MAD1L1: variants seen among roughly 807,000 people sequenced by gnomAD.
The protein encoded by MAD1L1 is mitotic spindle assembly checkpoint protein MAD1.
Under a neutral mutation model 96.9 loss-of-function variants are expected in MAD1L1, and 95 were observed. That is an observed-to-expected ratio of 0.98 (90% CI 0.83 to 1.16). The LOEUF (loss-of-function observed/expected upper bound fraction) is 1.16, where lower values mean the gene tolerates loss of function less well. Among genes scored for constraint, MAD1L1 ranks in the 50% most tolerant of loss-of-function variants. MAD1L1 has a pLI of 0.00. For synonymous variants in MAD1L1, 473 were observed against 396.6 expected (o/e 1.19, Z -2.29); for missense variants, 1,007 against 954.4 (o/e 1.06, Z -0.73).
chr7:1,861,317 T>C (rs1009072900), intron 18 of MAD1L1, among the ~76,000 whole-genome samples: 4 of 152,194 alleles, frequency 2.6e-5, no homozygotes, highest in African/African-American at 9.7e-5. Flanking sequence ...TGGCTGAAGC[T>C]ATCCTTTCCC....
At chr7:2,069,722 T>C (rs1267836338) in intron 11 of MAD1L1, among the ~76,000 whole-genome samples, 1 of 152,170 alleles carries the variant, frequency 6.6e-6, no homozygotes, top group Non-Finnish European at 1.5e-5. Context: ...GCCAGGCGCC[T>C]GGTTGGGGGG....
chr7:1,840,784 G>C (rs1783208853), intron 18 of MAD1L1, among the ~76,000 whole-genome samples: 1 of 152,216 alleles, frequency 6.6e-6, no homozygotes, highest in Admixed American at 6.5e-5. Flanking sequence ...TGCAGTTCAA[G>C]GTTTTAGCGG....
At chr7:1,879,889 C>A (rs965876171) in intron 18 of MAD1L1, among the ~76,000 whole-genome samples, 3 of 152,188 alleles carry the variant, frequency 2.0e-5, no homozygotes, top group Non-Finnish European at 4.4e-5. Flanking sequence ...TGCCACCACA[C>A]CTGGCTAATT....
In MAD1L1 at chr7:1,936,569, G is replaced by A. The variant is rs908858511; in HGVS notation, c.1807+118C>T. ...CCACCAGACCCGGCTGCCCACAGGG[G>A]AGGACAAACCCTCTGGGGATGACAG... On this transcript the variant is annotated intron_variant, in intron 17 of 18. Coordinates refer to ENST00000265854, the MANE Select transcript of MAD1L1 (RefSeq NM_001013836.2). 9 of 1,073,246 alleles carry A rather than the reference G, an allele frequency of 8.4e-6. No homozygotes were observed. In the African/African-American group the frequency reaches 1.3e-4, roughly 15 times the overall value. The allele number at this position is 1,073,246 out of a possible 1,614,324, so 66.5% of individuals were successfully genotyped here. A position where few individuals can be genotyped will look rare whatever the true frequency, so the allele number is the denominator to read the frequency against.
At chr7:1,888,218 G>C (rs931863305) in intron 18 of MAD1L1, among the ~76,000 whole-genome samples, 1 of 151,674 alleles carries the variant, frequency 6.6e-6, no homozygotes, top group Non-Finnish European at 1.5e-5. Flanking sequence ...GTGCATGTGT[G>C]TGCATGCATG....
At chr7:2,085,237 G>A (rs572295048) in intron 11 of MAD1L1, among the ~76,000 whole-genome samples, 1 of 152,354 alleles carries the variant, frequency 6.6e-6, no homozygotes, top group South Asian at 2.1e-4. Flanking sequence ...ACACAATGGT[G>A]ACTGTCCTCA....
intron 16 of MAD1L1, among the ~76,000 whole-genome samples, chr7:1,956,896 G>C (rs983283115): frequency 6.6e-6 from 1 of 152,238 alleles, no homozygotes; most frequent in Non-Finnish European, 1.5e-5. Context: ...CAGGGAAGCC[G>C]TAAGTGGTGC....
chr7:2,178,757 T>G (rs951547708), intron 10 of MAD1L1, among the ~76,000 whole-genome samples: 1 of 150,904 alleles, frequency 6.6e-6, no homozygotes, highest in Non-Finnish European at 1.5e-5. Context: ...ATTAGCCGGG[T>G]GTGGTGGCGG....
intron 11 of MAD1L1, among the ~76,000 whole-genome samples, chr7:2,104,483 G>C (rs1403766158): frequency 6.6e-6 from 1 of 152,222 alleles, no homozygotes; most frequent in Non-Finnish European, 1.5e-5. Context: ...GGCGGCTGCG[G>C]CACCTGGACA....
intron 17 of MAD1L1, among the ~76,000 whole-genome samples, chr7:1,916,737 C>T (rs1788424215): frequency 6.6e-6 from 1 of 152,172 alleles, no homozygotes; most frequent in South Asian, 2.1e-4. Flanking sequence ...TGCAGCTCCC[C>T]TCCCTCATGA....
chr7:1,869,960 A>C, intron 18 of MAD1L1, among the ~76,000 whole-genome samples: 1 of 152,104 alleles, frequency 6.6e-6, no homozygotes, highest in East Asian at 1.9e-4. Flanking sequence ...AGCACTTCAT[A>C]AGCCAAGGGG....
At chr7:1,881,619 A>G (rs1051828524) in intron 18 of MAD1L1, among the ~76,000 whole-genome samples, 1 of 152,252 alleles carries the variant, frequency 6.6e-6, no homozygotes, top group Non-Finnish European at 1.5e-5. Flanking sequence ...CACATTATGC[A>G]ACCATTAAAC....
chr7:2,096,581 G>A (rs1251556182), intron 11 of MAD1L1, among the ~76,000 whole-genome samples: 1 of 152,172 alleles, frequency 6.6e-6, no homozygotes. Context: ...AGCTCTCCAA[G>A]GGGCATCTGA....
At chr7:2,232,639 C>T (rs980005336) in intron 1 of MAD1L1, among the ~76,000 whole-genome samples, 1 of 152,158 alleles carries the variant, frequency 6.6e-6, no homozygotes, top group Non-Finnish European at 1.5e-5. Context: ...CTGTCCCCAG[C>T]ACAGCCCAAA....
rs1419126067 is a variant in MAD1L1 at position 1,993,561 on chromosome 7, C to T, written c.1416+8504G>A. Reference sequence around the variant, plus strand: ...AAAACAAGCTTACGCCTTCCCTCTGCACTGAGATTTTCTTCTGTTTTTTGG... The same window carrying T: ...AAAACAAGCTTACGCCTTCCCTCTGTACTGAGATTTTCTTCTGTTTTTTGG... On this transcript the variant is annotated intron_variant, in intron 14 of 18. Coordinates refer to ENST00000265854, the MANE Select transcript of MAD1L1 (RefSeq NM_001013836.2). Among the ~76,000 whole-genome samples, 4 of 152,242 alleles carry T rather than the reference C, an allele frequency of 2.6e-5. No individual in the cohort carries two copies. In the East Asian group the frequency reaches 5.8e-4, roughly 22 times the overall value.
intron 17 of MAD1L1, among the ~76,000 whole-genome samples, chr7:1,905,540 A>G: frequency 6.6e-6 from 1 of 152,114 alleles, no homozygotes. Flanking sequence ...GGCCTATGGA[A>G]GACGCTCTTG....
At chr7:1,935,712 G>T (rs1465836133) in intron 17 of MAD1L1, among the ~76,000 whole-genome samples, 1 of 152,242 alleles carries the variant, frequency 6.6e-6, no homozygotes, top group East Asian at 1.9e-4. Context: ...GGGCGCGATG[G>T]CAAGTAGGTG....
intron 17 of MAD1L1, among the ~76,000 whole-genome samples, chr7:1,898,914 C>G (rs979009057): frequency 6.6e-6 from 1 of 152,204 alleles, no homozygotes; most frequent in African/African-American, 2.4e-5. Flanking sequence ...TCCCAGGTTG[C>G]CGCCTGGGTC....
chr7:2,230,219 T>C (rs886468894), intron 2 of MAD1L1, 76 bp from the exon 3 acceptor site: 10 of 1,222,170 alleles, frequency 8.2e-6, no homozygotes, highest in Non-Finnish European at 1.2e-5. Context: ...GCAGAGCCTC[T>C]GGACAGCCCC....
Sources: allele counts gnomAD v4.1 joint callset (sites outside exome capture counted in the v4.1 genomes callset), GRCh38; gene constraint gnomAD v4.1.1; transcripts MANE v1.5; gene names NCBI Gene and HGNC (gene_info 2026-07-23, HGNC 2026-07-21).